COL4A1: variants seen among roughly 807,000 people sequenced by gnomAD.
The protein encoded by COL4A1 is collagen alpha-1(IV) chain.
In COL4A1, 40 loss-of-function variants were observed where a neutral mutation model predicts 216.6. The observed-to-expected ratio is 0.18, with a 90% confidence interval of 0.14 to 0.24. COL4A1 has a LOEUF of 0.24. Ranked by LOEUF, COL4A1 falls within the 10% of genes least tolerant of loss-of-function variation. COL4A1 has a pLI of 1.00. For synonymous variants in COL4A1, 839 were observed against 810.7 expected, an observed-to-expected ratio of 1.03 and a Z score of -0.59; for missense variants, 1,628 against 2,196.8, an observed-to-expected ratio of 0.74 and a Z score of 5.18.
At chr13:110,304,536 G>C (rs2139327749) in intron 1 of COL4A1, among the ~76,000 whole-genome samples, 1 of 152,312 alleles carries the variant, frequency 6.6e-6, no homozygotes, top group Non-Finnish European at 1.5e-5. Context: ...TAAGAGTAGA[G>C]GGTGCTCACA....
At chr13:110,240,894 G>C (rs1036139884) in intron 2 of COL4A1, among the ~76,000 whole-genome samples, 2 of 152,210 alleles carry the variant, frequency 1.3e-5, no homozygotes, top group Non-Finnish European at 2.9e-5. Flanking sequence ...TTTTGAGTTA[G>C]AGCCTTGCTC....
rs559949985 is a variant in COL4A1 at position 110,247,723 on chromosome 13, A to C, written c.85-4989T>G. 2.0e-4 allele frequency among the ~76,000 whole-genome samples: 31 copies of C among 151,532 alleles called. No homozygotes were observed. The South Asian group carries it at 4.2e-3, about 20-fold the overall frequency. ...ATTCCAGAGGATGCAAAAAGAGGAA[A>C]GCTCACTCATTCTGTTTACAGAATG... is the stretch of plus-strand genomic sequence containing the variant. On this transcript the variant is annotated intron_variant, in intron 1 of 51. Coordinates refer to ENST00000375820, the MANE Select transcript of COL4A1 (RefSeq NM_001845.6).
In COL4A1 at chr13:110,303,979, G is replaced by T. The variant is rs561074615; in HGVS notation, c.84+2965C>A. Reference sequence around the variant, plus strand: ...CCCCAAATCATCTGCTTAAAAGCAGGTATAAAATGTAAGGTCCTCTGGTGC... The same window carrying T: ...CCCCAAATCATCTGCTTAAAAGCAGTTATAAAATGTAAGGTCCTCTGGTGC... On this transcript the variant is annotated intron_variant, in intron 1 of 51. Coordinates refer to ENST00000375820, the MANE Select transcript of COL4A1 (RefSeq NM_001845.6). Among the ~76,000 whole-genome samples the T allele has an allele frequency of 1.2e-4, 18 of 152,308 alleles. No homozygotes were observed. The South Asian group carries it at 3.7e-3, about 32-fold the overall frequency.
chr13:110,252,650 AATGTATATATGTATATATACATATAAT>A (rs1882176369), intron 1 of COL4A1, among the ~76,000 whole-genome samples: 2 of 37,650 alleles, frequency 5.3e-5, no homozygotes, highest in Admixed American at 3.6e-4. Flanking sequence ...TTATATACAA[AATGTATATATGTATATATACATATAAT>A]ATGTATATAT....
At chr13:110,209,957 G>C (rs1472457932) in intron 10 of COL4A1, 23 bp downstream of exon 10, 11 of 1,613,372 alleles carry the variant, frequency 6.8e-6, no homozygotes, top group Non-Finnish European at 9.3e-6. Flanking sequence ...GATTGCCTCG[G>C]AGAGACAGCC....
chr13:110,214,216 G>A (rs954613117), intron 2 of COL4A1, among the ~76,000 whole-genome samples: 4 of 152,012 alleles, frequency 2.6e-5, no homozygotes, highest in African/African-American at 4.8e-5. Flanking sequence ...TCAGCCTCCC[G>A]GGTAGCTGGG....
At chr13:110,306,901 G>C in intron 1 of COL4A1, 43 bp downstream of exon 1, 3 of 1,431,722 alleles carry the variant, frequency 2.1e-6, no homozygotes, top group Non-Finnish European at 2.7e-6. Context: ...GGGCGCCCAA[G>C]CTCGGGGCGG....
intron 2 of COL4A1, among the ~76,000 whole-genome samples, chr13:110,229,671 G>GC (rs1206739584): frequency 6.6e-6 from 1 of 152,156 alleles, no homozygotes; most frequent in Non-Finnish European, 1.5e-5. Context: ...CCCAGAGAGA[G>GC]CCCCCGCCCT....
At chr13:110,235,312 A>AGGTTCCT (rs1265162006) in intron 2 of COL4A1, among the ~76,000 whole-genome samples, 3 of 152,192 alleles carry the variant, frequency 2.0e-5, no homozygotes, top group Admixed American at 6.5e-5. Context: ...TGGTTAATAT[A>AGGTTCCT]ATTTATAGGA....
chr13:110,244,872 T>C (rs905390354), intron 1 of COL4A1, among the ~76,000 whole-genome samples: 1 of 152,172 alleles, frequency 6.6e-6, no homozygotes, highest in Non-Finnish European at 1.5e-5. Flanking sequence ...AATTAAACAA[T>C]GACACATTAT....
chr13:110,203,486 C>G (rs1594577749), intron 18 of COL4A1, 80 bp downstream of exon 18: 4 of 1,532,968 alleles, frequency 2.6e-6, no homozygotes, highest in South Asian at 2.2e-5. Context: ...CCTTCCTCCC[C>G]CCAGTGCTCT....
chr13:110,228,168 C>A (rs1880833258), intron 2 of COL4A1, among the ~76,000 whole-genome samples: 1 of 151,774 alleles, frequency 6.6e-6, no homozygotes, highest in Admixed American at 6.6e-5. Flanking sequence ...GTAAAATCAC[C>A]CACATGCTTC....
chr13:110,242,784 G>A lies in COL4A1; in HGVS notation c.85-50C>T, dbSNP rs542290120. ...AAATAGAAGAACACTTTCAAAGCGA[G>A]GGCACTATGCAAATGGAGATGGTTC... is the stretch of plus-strand genomic sequence containing the variant. On this transcript the variant is annotated intron_variant, in intron 1 of 51. Transcript: ENST00000375820. 1.6e-5 allele frequency: 26 copies of A among 1,591,362 alleles called. No homozygotes were observed. In the South Asian group the frequency reaches 2.1e-4, roughly 13 times the overall value.
intron 23 of COL4A1, 27 bp from the exon 24 acceptor site, chr13:110,192,311 A>G: frequency 6.2e-7 from 1 of 1,604,318 alleles, no homozygotes; most frequent in Non-Finnish European, 8.5e-7. Context: ...GGAAAAAGAC[A>G]GCAACACAGC....
chr13:110,269,708 G>A (rs970372557), intron 1 of COL4A1, among the ~76,000 whole-genome samples: 1 of 152,054 alleles, frequency 6.6e-6, no homozygotes, highest in Non-Finnish European at 1.5e-5. Flanking sequence ...CAGGGTAGGT[G>A]CCAGCTGACC....
At chr13:110,201,821 A>G (rs1879263037) in intron 18 of COL4A1, 2 of 505,842 alleles carry the variant, frequency 4.0e-6, no homozygotes, top group South Asian at 3.0e-5. Flanking sequence ...GACTCTACTA[A>G]AAATACAAAA....
chr13:110,240,402 G>A (rs1881509945), intron 2 of COL4A1, among the ~76,000 whole-genome samples: 1 of 152,178 alleles, frequency 6.6e-6, no homozygotes, highest in Non-Finnish European at 1.5e-5. Context: ...TCCTGGCCCG[G>A]GCTCTGCTGA....
At chr13:110,201,016 A>G in intron 19 of COL4A1, 127 bp from the exon 20 acceptor site, 1 of 1,056,438 alleles carries the variant, frequency 9.5e-7, no homozygotes, top group Non-Finnish European at 1.5e-6. Context: ...GAACGTAGAA[A>G]ACAGAGCGGG....
At chr13:110,283,528 GTGCACC>G (rs1286945096) in intron 1 of COL4A1, among the ~76,000 whole-genome samples, 2 of 152,204 alleles carry the variant, frequency 1.3e-5, no homozygotes, top group Non-Finnish European at 2.9e-5. Context: ...ACACGCACAT[GTGCACC>G]TGCACACACC....
Sources: allele counts gnomAD v4.1 joint callset (sites outside exome capture counted in the v4.1 genomes callset), GRCh38; gene constraint gnomAD v4.1.1; transcripts MANE v1.5; gene names NCBI Gene and HGNC (gene_info 2026-07-23, HGNC 2026-07-21).